Variants in CLASRP observed in about 807,000 individuals in gnomAD.
CLASRP encodes CLK4 associating serine/arginine rich protein.
CLASRP carries 52 observed loss-of-function variants against 99.9 expected under a neutral mutation model. The ratio of observed to expected loss-of-function variants is 0.52; its 90% CI spans 0.42 to 0.66. The LOEUF is 0.66. CLASRP is among the 30% of genes least tolerant of loss of function. The pLI is 0.00. For synonymous variants in CLASRP, 379 were observed against 373.0 expected (o/e 1.02, Z -0.18); for missense variants, 848 against 999.2 (o/e 0.85, Z 2.04).
chr19:45,042,638 A>G (rs1303562640), intron 2 of CLASRP, among the ~76,000 whole-genome samples: 1 of 150,844 alleles, frequency 6.6e-6, no homozygotes, highest in Non-Finnish European at 1.5e-5. Context: ...TTTGAGGCAG[A>G]GTCTTGCTTA....
At chr19:45,063,985 A>G (rs1368582037) in intron 11 of CLASRP, 27 bp from the exon 12 acceptor site, 1 of 1,582,876 alleles carries the variant, frequency 6.3e-7, no homozygotes, top group Admixed American at 1.8e-5. Context: ...AGCCTGAGCT[A>G]GTGAGCCTCC....
chr19:45,040,403 A>G, intron 2 of CLASRP, 92 bp downstream of exon 2: 1 of 808,406 alleles, frequency 1.2e-6, no homozygotes, highest in Non-Finnish European at 2.1e-6. Flanking sequence ...GAAGTATGTC[A>G]AGACAAGAGG....
chr19:45,058,738 A>G (rs2122575069), intron 7 of CLASRP, among the ~76,000 whole-genome samples: 1 of 151,866 alleles, frequency 6.6e-6, no homozygotes, highest in Middle Eastern at 3.4e-3. Flanking sequence ...ACCTCCGCCC[A>G]GCCCTCCTTC....
In CLASRP at chr19:45,067,151, T is replaced by C. The variant is rs1967104304; in HGVS notation, c.1410-186T>C. 6.6e-6 allele frequency among the ~76,000 whole-genome samples: 1 copy of C among 152,152 alleles called. No individual in the cohort carries two copies. The highest frequency in any genetic ancestry group is 6.6e-5 in the Admixed American group (1 of 15,266). ...GGCTGAGTGTATCTAGAGCGCCATC[T>C]CTGTAGCCGGAGGGAGGCCGGAATG... On this transcript the variant is annotated intron_variant, in intron 13 of 20. Coordinates refer to ENST00000221455, the MANE Select transcript of CLASRP (RefSeq NM_007056.3). This position sits in a 1 kb window ranked among gnomAD's most constrained non-coding sequence, Gnocchi z 4.9.
chr19:45,067,529 A>G lies in CLASRP; in HGVS notation c.1602A>G (p.Pro534=), dbSNP rs1328268239. ...RSRSRSQSPS[P]SPAREKLTRP... ...GCAGCCGCAGCCAGAGCCCCTCGCCATCACCCGCAAGAGAGAAGCTGACCA... is the reference window on the plus strand; with the variant it reads ...GCAGCCGCAGCCAGAGCCCCTCGCCGTCACCCGCAAGAGAGAAGCTGACCA... Residue 534 remains proline, a synonymous_variant, in exon 14 of 21, where the codon CCA becomes CCG. Transcript: ENST00000221455. This position sits in a 1 kb window ranked among gnomAD's most constrained non-coding sequence, Gnocchi z 4.9. The G allele has an allele frequency of 1.2e-6, 2 of 1,603,160 alleles. No homozygotes were observed. Among genetic ancestry groups the G allele is most frequent in the Admixed American group, 1.7e-5 (1 of 59,706 alleles).
chr19:45,057,601 G>C (rs1972143542), intron 6 of CLASRP, 149 bp from the exon 7 acceptor site: 2 of 824,886 alleles, frequency 2.4e-6, no homozygotes, highest in Admixed American at 2.5e-5. Context: ...GAAGAGGGAG[G>C]AGCTGGGTGT....
At chr19:45,055,631 C>T (rs545304048) in intron 5 of CLASRP, among the ~76,000 whole-genome samples, 20 of 152,202 alleles carry the variant, frequency 1.3e-4, no homozygotes, top group African/African-American at 2.4e-4. Context: ...GTCGGGAGTT[C>T]GAGACCAGCC....
intron 2 of CLASRP, among the ~76,000 whole-genome samples, chr19:45,051,067 G>T (rs140689532): frequency 3.1e-4 from 47 of 152,128 alleles, no homozygotes; most frequent in African/African-American, 1.1e-3. Context: ...CCTAGTGTGG[G>T]TGAAGTGGTA....
At position 45,056,532 on chromosome 19, in the gene CLASRP, G is replaced by A. The variant is rs1317756884; in HGVS notation, c.462G>A (p.Lys154=). The A allele has an allele frequency of 1.2e-6, 2 of 1,613,468 alleles. No homozygotes were observed. The highest frequency in any genetic ancestry group is 2.2e-5 in the South Asian group (2 of 91,046). ...AGAGACCCAGCGAAGATGAGAAGAA[G>A]AAGTGAGTCGGGGTCTGGGGTGCAG... ...GLQRPSEDEK[K]KLAEKKASIG... is the part of the protein sequence containing the mutation. The change falls in exon 6 of 21, where the codon AAG becomes AAA. Residue 154 remains lysine (K), a splice_region_variant and synonymous_variant. Transcript: ENST00000221455.
chr19:45,052,376 T>A (rs111657743), intron 3 of CLASRP, among the ~76,000 whole-genome samples: 1 of 152,012 alleles, frequency 6.6e-6, no homozygotes, highest in Non-Finnish European at 1.5e-5. Context: ...AGAGTAGCAG[T>A]CATGGTTGGA....
chr19:45,067,687 C>T lies in CLASRP; in HGVS notation c.1667+93C>T, dbSNP rs1000399093. On this transcript the variant is annotated intron_variant, in intron 14 of 20. Transcript: ENST00000221455. The surrounding 1 kb of genome is among the most constrained non-coding windows in gnomAD (Gnocchi z 4.9). ...TCTTTTTGAGGGGAACTTAGCCCTA[C>T]CCTGGGAGGTCTGGGGGGTGGTGTA... is the stretch of plus-strand genomic sequence containing the variant. The T allele has an allele frequency of 4.1e-6, 5 of 1,222,076 alleles. No individual in the cohort carries two copies. The highest frequency in any genetic ancestry group is 3.0e-5 in the African/African-American group (2 of 66,622). 75.7% of individuals were successfully genotyped at this position (1,222,076 alleles called of 1,614,324 possible).
Position 45,067,866 on chromosome 19 carries a change from G to T in CLASRP, c.1668-149G>T. ...CAGGTCCCTGTCTTACAGGTTCTGT[G>T]GGGTCTGAGAGGGACATGGTTGCAC... On this transcript the variant is annotated intron_variant, in intron 14 of 20. Transcript: ENST00000221455. This position sits in a 1 kb window ranked among gnomAD's most constrained non-coding sequence, Gnocchi z 4.9. 1.5e-6 allele frequency: 1 copy of T among 685,444 alleles called. No homozygotes were observed. Among genetic ancestry groups the T allele is most frequent in the South Asian group, 1.7e-5 (1 of 59,468 alleles). The allele number at this position is 685,444 out of a possible 1,614,324, so 42.5% of individuals were successfully genotyped here.
chr19:45,067,693 G>GT lies in CLASRP; in HGVS notation c.1667+99_1667+100insT. ...TGAGGGGAACTTAGCCCTACCCTGGGAGGTCTGGGGGGTGGTGTATGGCCC... is the reference window on the plus strand; with the variant it reads ...TGAGGGGAACTTAGCCCTACCCTGGGTAGGTCTGGGGGGTGGTGTATGGCCC... On this transcript the variant is annotated intron_variant, in intron 14 of 20. Coordinates refer to ENST00000221455, the MANE Select transcript of CLASRP (RefSeq NM_007056.3). This position sits in a 1 kb window ranked among gnomAD's most constrained non-coding sequence, Gnocchi z 4.9. The GT allele has an allele frequency of 1.7e-6, 2 of 1,159,658 alleles. No individual in the cohort carries two copies. Among genetic ancestry groups the GT allele is most frequent in the Non-Finnish European group, 2.4e-6 (2 of 830,012 alleles). The allele number at this position is 1,159,658 out of a possible 1,614,324, so 71.8% of individuals were successfully genotyped here. A position where few individuals can be genotyped will look rare whatever the true frequency, so the allele number is the denominator to read the frequency against.
chr19:45,047,061 G>T lies in CLASRP; in HGVS notation c.100-5010G>T, dbSNP rs369466734. 5.9e-5 allele frequency among the ~76,000 whole-genome samples: 9 copies of T among 152,128 alleles called. No individual in the cohort carries two copies. In the South Asian group the frequency reaches 1.9e-3, roughly 31 times the overall value. On this transcript the variant is annotated intron_variant, in intron 2 of 20. Coordinates refer to ENST00000221455, the MANE Select transcript of CLASRP (RefSeq NM_007056.3). ...AAAGTGGATTTTGGATCTTGAAGAG[G>T]TACTTATACACTTATGTTCATTACA...
intron 5 of CLASRP, among the ~76,000 whole-genome samples, chr19:45,054,895 G>C (rs1166449345): frequency 6.6e-6 from 1 of 152,186 alleles, no homozygotes; most frequent in Non-Finnish European, 1.5e-5. Context: ...GGGTTTGCTA[G>C]TCCAGTATTT....
rs759473024 is a variant in CLASRP, at chr19:45,060,561, G to A, written c.797G>A (p.Arg266His). 10 of 1,613,082 alleles carry A rather than the reference G, an allele frequency of 6.2e-6. No homozygotes were observed. The highest frequency in any genetic ancestry group is 8.5e-6 in the Non-Finnish European group (10 of 1,179,620). The change falls in exon 10 of 21, where the codon CGC becomes CAC. Residue 266 changes from arginine (R) to histidine (H), a missense_variant. Physicochemically the swap from Arg to His is conservative, Grantham distance 29. Coordinates refer to ENST00000221455, the MANE Select transcript of CLASRP (RefSeq NM_007056.3). This position sits in a 1 kb window ranked among gnomAD's most constrained non-coding sequence, Gnocchi z 4.6. ...EEEKAMYSGR[R>H]SRRQRREFRE... ...GCACCCACCCTACTCCAGGGACGCC[G>A]CTCTCGACGCCAGCGGAGAGAGTTT... is the stretch of plus-strand genomic sequence containing the variant.
At chr19:45,069,456 C>T (rs181167381) in intron 18 of CLASRP, among the ~76,000 whole-genome samples, 12 of 152,298 alleles carry the variant, frequency 7.9e-5, no homozygotes, top group South Asian at 6.2e-4. Context: ...CTCCCGCCAC[C>T]GCGACCTCCT....
rs1337876345 is a variant in CLASRP, at chr19:45,039,093, A to C, written c.-45A>C. ...GGCCGCGCGCGAGCGCAGCGGTGGG[A>C]GGCGGCGACCAGCCGGTGAGTGCAG... is the stretch of plus-strand genomic sequence containing the variant. On this transcript the variant is annotated 5_prime_UTR_variant, in exon 1 of 21. Coordinates refer to ENST00000221455, the MANE Select transcript of CLASRP (RefSeq NM_007056.3). The C allele has an allele frequency of 6.6e-6, 1 of 152,008 alleles. No homozygotes were observed. The highest frequency in any genetic ancestry group is 1.9e-4 in the East Asian group (1 of 5,162). The allele number at this position is 152,008 out of a possible 1,614,324, so 9.4% of individuals were successfully genotyped here. A position where few individuals can be genotyped will look rare whatever the true frequency, so the allele number is the denominator to read the frequency against.
In CLASRP at chr19:45,063,436, C is replaced by CTTTT. The variant is rs565600159; in HGVS notation, c.906-552_906-549dup. On this transcript the variant is annotated intron_variant, in intron 11 of 20. Coordinates refer to ENST00000221455, the MANE Select transcript of CLASRP (RefSeq NM_007056.3). ...GTGTTTTGTACAGAGATCTGCTTAT[C>CTTTT]TTTTTTTTTTTTTTTTTTTTTTTTT... Among the ~76,000 whole-genome samples the CTTTT allele has an allele frequency of 2.4e-3, 101 of 42,388 alleles. 26 individuals are homozygous for CTTTT. The highest frequency in any genetic ancestry group is 2.7e-3 in the Non-Finnish European group (60 of 21,840). 27.8% of individuals were successfully genotyped at this position (42,388 alleles called of 152,430 possible). A position where few individuals can be genotyped will look rare whatever the true frequency, so the allele number is the denominator to read the frequency against.
Sources: allele counts gnomAD v4.1 joint callset (sites outside exome capture counted in the v4.1 genomes callset), GRCh38; gene constraint gnomAD v4.1.1; non-coding constraint Gnocchi (gnomAD v3.1); transcripts MANE v1.5; gene names NCBI Gene and HGNC (gene_info 2026-07-23, HGNC 2026-07-21).